MAD2L1BP: variants seen among roughly 807,000 people sequenced by gnomAD.
MAD2L1BP encodes the protein MAD2L1 binding protein.
A neutral mutation model predicts 28.4 loss-of-function variants in MAD2L1BP; 22 were observed. The ratio of observed to expected loss-of-function variants is 0.77; its 90% CI spans 0.55 to 1.10. MAD2L1BP has a LOEUF of 1.10. Among genes scored for constraint, MAD2L1BP ranks in the 50% least tolerant of loss-of-function variants. The pLI is 0.00. For missense variants in MAD2L1BP, 325 were observed against 350.5 expected (o/e 0.93, Z 0.58); for synonymous variants, 146 against 133.7 (o/e 1.09, Z -0.63).
intron 2 of MAD2L1BP, 199 bp downstream of exon 2, chr6:43,636,845 C>CA (rs1441339878): frequency 4.8e-6 from 3 of 624,056 alleles, no homozygotes; most frequent in Admixed American, 3.0e-5. Context: ...TTCTGAAACT[C>CA]ACGTGTTGCA....
chr6:43,637,971 G>A (rs2127865188), intron 2 of MAD2L1BP, among the ~76,000 whole-genome samples: 1 of 151,922 alleles, frequency 6.6e-6, no homozygotes, highest in Non-Finnish European at 1.5e-5. Context: ...AGCGATCTCG[G>A]CTCACTGCAA....
upstream of MAD2L1BP, among the ~76,000 whole-genome samples, chr6:43,633,895 C>T (rs959923941): frequency 6.6e-6 from 1 of 152,138 alleles, no homozygotes; most frequent in Non-Finnish European, 1.5e-5. Context: ...TTTTCTTTAT[C>T]CTCCTGTGGG....
upstream of MAD2L1BP, among the ~76,000 whole-genome samples, chr6:43,631,273 G>A (rs1320842720): frequency 1.3e-5 from 2 of 152,174 alleles, no homozygotes; most frequent in Non-Finnish European, 2.9e-5. Flanking sequence ...GTCAATGCTA[G>A]CCAGGGGCAC....
At chr6:43,636,949 C>T in intron 2 of MAD2L1BP, 1 of 253,686 alleles carries the variant, frequency 3.9e-6, no homozygotes, top group South Asian at 6.7e-5. Context: ...GAGATCTCAG[C>T]TCACTGCAAC....
upstream of MAD2L1BP, among the ~76,000 whole-genome samples, chr6:43,635,199 C>A (rs747107362): frequency 3.3e-5 from 5 of 152,286 alleles, no homozygotes; most frequent in Middle Eastern, 3.4e-3. Flanking sequence ...GTGGCTTATA[C>A]GGTCCTGCCA....
At chr6:43,633,434 A>G (rs1770038391), upstream of MAD2L1BP, 1 of 254,610 alleles carries the variant, frequency 3.9e-6, no homozygotes. Flanking sequence ...GACCTCCCAA[A>G]GTGCTGGGAT....
upstream of MAD2L1BP, among the ~76,000 whole-genome samples, chr6:43,632,402 G>A (rs1157245465): frequency 6.6e-6 from 1 of 151,478 alleles, no homozygotes; most frequent in Non-Finnish European, 1.5e-5. Context: ...GGACTACAGG[G>A]GCATGCCACC....
chr6:43,638,288 T>C (rs891104823), intron 2 of MAD2L1BP, among the ~76,000 whole-genome samples: 4 of 151,988 alleles, frequency 2.6e-5, no homozygotes, highest in African/African-American at 9.6e-5. Flanking sequence ...GTTATCCACC[T>C]GCCTCAGCCT....
chr6:43,635,813 C>G, upstream of MAD2L1BP: 3 of 1,420,458 alleles, frequency 2.1e-6, no homozygotes, highest in Non-Finnish European at 2.8e-6. Flanking sequence ...GAGGCGCGGG[C>G]TTCCCATGAT....
At chr6:43,637,844 C>G (rs1376175115) in intron 2 of MAD2L1BP, among the ~76,000 whole-genome samples, 1 of 152,052 alleles carries the variant, frequency 6.6e-6, no homozygotes, top group Non-Finnish European at 1.5e-5. Context: ...GGTGATCCGC[C>G]TGCCTCAGCC....
chr6:43,636,372 A>C lies in MAD2L1BP; in HGVS notation c.47-9A>C. ...ATTTTTCTCTCTTGTCCCTCTTTTCATCTACCAGATTTGGAGTGGTATGAG... is the reference window on the plus strand; with the variant it reads ...ATTTTTCTCTCTTGTCCCTCTTTTCCTCTACCAGATTTGGAGTGGTATGAG... On this transcript the variant is annotated splice_polypyrimidine_tract_variant and intron_variant, in intron 1 of 2. Transcript: ENST00000372171. 1.2e-6 allele frequency: 2 copies of C among 1,613,074 alleles called. No homozygotes were observed. The highest frequency in any genetic ancestry group is 2.2e-5 in the South Asian group (2 of 91,006).
chr6:43,635,969 T>C (rs1277558014), intron 1 of MAD2L1BP, 48 bp downstream of exon 1: 1 of 1,507,524 alleles, frequency 6.6e-7, no homozygotes, highest in Non-Finnish European at 9.0e-7. Context: ...ACTTGTTTCT[T>C]CCCTACCGCC....
intron 2 of MAD2L1BP, 140 bp from the exon 3 acceptor site, chr6:43,639,881 C>T (rs1477558770): frequency 1.8e-6 from 1 of 555,196 alleles, no homozygotes; most frequent in East Asian, 3.1e-5. Context: ...TGATAAAACA[C>T]AGTGTTTTGG....
intron 2 of MAD2L1BP, among the ~76,000 whole-genome samples, chr6:43,637,858 C>G (rs1385287119): frequency 6.6e-6 from 1 of 151,956 alleles, no homozygotes; most frequent in East Asian, 1.9e-4. Flanking sequence ...CTCAGCCTCC[C>G]AAAGTGCTGG....
At chr6:43,632,395 C>T (rs1769974617), upstream of MAD2L1BP, among the ~76,000 whole-genome samples, 1 of 151,324 alleles carries the variant, frequency 6.6e-6, no homozygotes, top group Admixed American at 6.6e-5. Context: ...GTAGCTGGGA[C>T]TACAGGGGCA....
At chr6:43,635,833 G>A (rs1272817194), upstream of MAD2L1BP, 5 of 1,442,668 alleles carry the variant, frequency 3.5e-6, no homozygotes, top group South Asian at 1.4e-5. Context: ...TGCCCCGCGA[G>A]ACCTTTATTC....
chr6:43,636,281 CT>C, intron 1 of MAD2L1BP, 99 bp from the exon 2 acceptor site: 1 of 1,285,756 alleles, frequency 7.8e-7, no homozygotes. Flanking sequence ...GGAGTGCCTG[CT>C]TTTTCAGGGT....
intron 2 of MAD2L1BP, among the ~76,000 whole-genome samples, chr6:43,639,804 G>C (rs193281153): frequency 1.3e-5 from 2 of 152,322 alleles, no homozygotes; most frequent in Admixed American, 6.5e-5. Flanking sequence ...TGTGTTTGCT[G>C]TTCTAAATGT....
At chr6:43,639,942 A>T in intron 2 of MAD2L1BP, 79 bp from the exon 3 acceptor site, 1 of 1,334,966 alleles carries the variant, frequency 7.5e-7, no homozygotes, top group Non-Finnish European at 1.0e-6. Context: ...CTATGTACAC[A>T]TCCCAGCAGG....
Sources: gnomAD v4.1 joint callset for allele counts (sites outside exome capture counted in the v4.1 genomes callset) on GRCh38, gnomAD v4.1.1 for gene constraint, MANE v1.5 for transcripts, NCBI Gene and HGNC (gene_info 2026-07-23, HGNC 2026-07-21) for gene names.